SLC25A22: variants seen among roughly 807,000 people sequenced by gnomAD.
SLC25A22 encodes solute carrier family 25 member 22.
SLC25A22 carries 23 observed loss-of-function variants against 33.7 expected under a neutral mutation model. That is an observed-to-expected ratio of 0.68 (90% CI 0.49 to 0.97). The LOEUF is 0.97. Among genes scored for constraint, SLC25A22 ranks in the 50% least tolerant of loss-of-function variants. The pLI, the probability that SLC25A22 is intolerant of heterozygous loss-of-function variation, is 0.00. For missense variants in SLC25A22, 390 were observed against 451.1 expected, an observed-to-expected ratio of 0.86 and a Z score of 1.23; for synonymous variants, 245 against 203.8, an observed-to-expected ratio of 1.20 and a Z score of -1.72.
Position 793,897 on chromosome 11 carries a change from G to A in SLC25A22, c.203-278C>T, listed in dbSNP as rs936972384. On this transcript the variant is annotated intron_variant, in intron 4 of 9. Coordinates refer to ENST00000628067, the MANE Select transcript of SLC25A22 (RefSeq NM_001191061.2). Reference sequence around the variant, plus strand: ...CTGCTCAGGGCATGAGGACTGCCCCGGAGCCCCTGAGGCCTCCCTAGGATA... The same window carrying A: ...CTGCTCAGGGCATGAGGACTGCCCCAGAGCCCCTGAGGCCTCCCTAGGATA... 22 of 538,938 alleles carry A rather than the reference G, an allele frequency of 4.1e-5. No individual in the cohort carries two copies. In the Admixed American group the frequency reaches 5.0e-4, roughly 12 times the overall value. The allele number at this position is 538,938 out of a possible 1,614,324, so 33.4% of individuals were successfully genotyped here. A position where few individuals can be genotyped will look rare whatever the true frequency, so the allele number is the denominator to read the frequency against.
At chr11:793,884 T>C (rs1392912580) in intron 4 of SLC25A22, 4 of 557,554 alleles carry the variant, frequency 7.2e-6, no homozygotes, top group Non-Finnish European at 1.3e-5. Context: ...GCTCAGGGCA[T>C]GAGGACTGCC....
At chr11:793,698 G>A (rs1590120605) in intron 4 of SLC25A22, 79 bp from the exon 5 acceptor site, 1 of 1,015,120 alleles carries the variant, frequency 9.9e-7, no homozygotes, top group Admixed American at 1.8e-5. Context: ...TTGCCTCCTG[G>A]CTGGCAAAAC....
chr11:792,958 C>T lies in SLC25A22; in HGVS notation c.324G>A (p.Leu108=). 1 of 1,613,516 alleles carries T rather than the reference C, an allele frequency of 6.2e-7. No individual in the cohort carries two copies. Among genetic ancestry groups the T allele is most frequent in the Non-Finnish European group, 8.5e-7 (1 of 1,179,972 alleles). The change falls in exon 6 of 10, where the codon CTG becomes CTA. Residue 108 remains leucine (L), a synonymous_variant. Coordinates refer to ENST00000628067, the MANE Select transcript of SLC25A22 (RefSeq NM_001191061.2). ...GQKLTLLKEM[L]AGCGAGTCQV... is the part of the protein sequence containing the mutation. ...GGCAGGTGCCAGCCCCACAGCCCGC[C>T]AGCATCTCTTTAAGCAGGGTCAGCT...
intron 5 of SLC25A22, 27 bp downstream of exon 5, chr11:793,502 C>G (rs79478359): frequency 3.1e-6 from 5 of 1,610,052 alleles, no homozygotes; most frequent in Non-Finnish European, 3.4e-6. Context: ...AAAGACCCCT[C>G]GAGTGTCTGC....
Position 792,021 on chromosome 11 carries a change from T to C in SLC25A22, c.866A>G (p.Tyr289Cys), listed in dbSNP as rs764260829. The change falls in exon 10 of 10, where the codon TAC (tyrosine) becomes TGC (cysteine). Residue 289 changes from tyrosine (Y) to cysteine (C), a missense_variant. By Grantham distance (194) the Tyr-to-Cys change is radical (BLOSUM62 -2). Coordinates refer to ENST00000628067, the MANE Select transcript of SLC25A22 (RefSeq NM_001191061.2). The part of the protein sequence containing the change: ...EGPSAFLKGA[Y>C]CRALVIAPLF... ...GGGCGCGATGACCAGCGCGCGGCAG[T>C]AGGCGCCCTTCAGGAAGGCCGAGGG... 4 of 1,605,174 alleles carry C rather than the reference T, an allele frequency of 2.5e-6. No homozygotes were observed. In the African/African-American group the frequency reaches 4.0e-5, roughly 16 times the overall value.
chr11:793,059 A>G (rs1339097413), intron 5 of SLC25A22, 71 bp from the exon 6 acceptor site: 3 of 1,434,782 alleles, frequency 2.1e-6, no homozygotes, highest in Non-Finnish European at 2.9e-6. Flanking sequence ...GCTGCCCACC[A>G]TGCCTGGGCG....
rs183409730 is a variant in SLC25A22, at chr11:792,012, G to A, written c.875C>T (p.Ala292Val). The A allele has an allele frequency of 2.9e-5, 46 of 1,607,084 alleles. No homozygotes were observed. The highest frequency in any genetic ancestry group is 6.7e-5 in the East Asian group (3 of 44,512). The change falls in exon 10 of 10, where the codon GCG becomes GTG. Residue 292 changes from alanine (A) to valine (V), a missense_variant. By Grantham distance (64) the Ala-to-Val change is moderately conservative. Transcript: ENST00000628067. ...GCCGAAAAGGGGCGCGATGACCAGCGCGCGGCAGTAGGCGCCCTTCAGGAA... is the reference window on the plus strand; with the variant it reads ...GCCGAAAAGGGGCGCGATGACCAGCACGCGGCAGTAGGCGCCCTTCAGGAA... ...SAFLKGAYCRALVIAPLFGIA... is the reference protein window; with the variant it reads ...SAFLKGAYCRVLVIAPLFGIA...
At position 792,392 on chromosome 11, in the gene SLC25A22, C is replaced by T. The variant is rs769899113; in HGVS notation, c.654G>A (p.Ala218=). The T allele has an allele frequency of 5.1e-5, 82 of 1,613,190 alleles. 1 individual carries two copies. Among genetic ancestry groups the T allele is most frequent in the Admixed American group, 8.3e-5 (5 of 60,008 alleles). ...FANLNQLGRP[A]SEEKSPFYVS... ...CGTAGAAAGGCGACTTCTCCTCGGA[C>T]GCCGGGCGGCCCAGCTGGTTCAGGT... is the stretch of plus-strand genomic sequence containing the variant. Residue 218 remains alanine (A), a synonymous_variant, in exon 8 of 10, where the codon GCG becomes GCA. Transcript: ENST00000628067.
chr11:797,654 C>T (rs1019928616), intron 1 of SLC25A22: 10 of 398,682 alleles, frequency 2.5e-5, no homozygotes, highest in Admixed American at 2.2e-4. Context: ...GTCTGGCCGG[C>T]GGCTCCCCAT....
Position 795,160 on chromosome 11 carries a change from C to G in SLC25A22, c.-154G>C, listed in dbSNP as rs1864739824. The G allele has an allele frequency of 1.1e-6, 1 of 885,430 alleles. No individual in the cohort carries two copies. The highest frequency in any genetic ancestry group is 3.2e-4 in the Middle Eastern group (1 of 3,108). 54.8% of individuals were successfully genotyped at this position (885,430 alleles called of 1,614,324 possible). A position where few individuals can be genotyped will look rare whatever the true frequency, so the allele number is the denominator to read the frequency against. On this transcript the variant is annotated 5_prime_UTR_variant, in exon 2 of 10. Transcript: ENST00000628067. ...GGAATTTCCAGGCGTCAGCAACCGCCACTTCTGTCCTAGAAGGATGAGGGA... is the reference window on the plus strand; with the variant it reads ...GGAATTTCCAGGCGTCAGCAACCGCGACTTCTGTCCTAGAAGGATGAGGGA...
At position 795,133 on chromosome 11, in the gene SLC25A22, G is replaced by C. The variant is rs1036420198; in HGVS notation, c.-127C>G. Reference sequence around the variant, plus strand: ...GGGGTTGGGTGGTGCTCCACCTTCAGGGGAATTTCCAGGCGTCAGCAACCG... The same window carrying C: ...GGGGTTGGGTGGTGCTCCACCTTCACGGGAATTTCCAGGCGTCAGCAACCG... On this transcript the variant is annotated 5_prime_UTR_variant, in exon 2 of 10. Transcript: ENST00000628067. 8.1e-7 allele frequency: 1 copy of C among 1,231,842 alleles called. No homozygotes were observed. The highest frequency in any genetic ancestry group is 1.1e-6 in the Non-Finnish European group (1 of 869,896). 76.3% of individuals were successfully genotyped at this position (1,231,842 alleles called of 1,614,324 possible). A position where few individuals can be genotyped will look rare whatever the true frequency, so the allele number is the denominator to read the frequency against.
At position 795,375 on chromosome 11, in the gene SLC25A22, T is replaced by C. The variant is rs57212291; in HGVS notation, c.-163-206A>G. On this transcript the variant is annotated intron_variant, in intron 1 of 9. Transcript: ENST00000628067. ...ACCTGGCTTCCTTTCAGTCCCCCCC[T>C]CCCCACCGCCAGCGTCTTCCCAGCC... is the stretch of plus-strand genomic sequence containing the variant. The C allele has an allele frequency of 0.46, 14,177 of 31,072 alleles. 191 individuals are homozygous for C. The highest frequency in any genetic ancestry group is 0.51 in the Middle Eastern group (51 of 100). The allele number at this position is 31,072 out of a possible 1,614,324, so 1.9% of individuals were successfully genotyped here. A position where few individuals can be genotyped will look rare whatever the true frequency, so the allele number is the denominator to read the frequency against.
rs748577483 is a variant in SLC25A22, at chr11:792,297, C to T, written c.742+7G>A. On this transcript the variant is annotated splice_region_variant and intron_variant, in intron 8 of 9. Transcript: ENST00000628067. Reference sequence around the variant, plus strand: ...ATCCCCAGCCGGGCGCCATCCCATGCACTGACCATCACAGGGGTTGACGGC... The same window carrying T: ...ATCCCCAGCCGGGCGCCATCCCATGTACTGACCATCACAGGGGTTGACGGC... 8.7e-6 allele frequency: 14 copies of T among 1,613,216 alleles called. No homozygotes were observed. In the South Asian group the frequency reaches 8.8e-5, roughly 10 times the overall value.
intron 1 of SLC25A22, chr11:795,665 G>A (rs1310744441): frequency 1.1e-5 from 2 of 185,968 alleles, no homozygotes; most frequent in Non-Finnish European, 2.3e-5. Context: ...CCCAGGTATA[G>A]CTCTCCTCCC....
intron 1 of SLC25A22, chr11:795,371 C>T: frequency 3.8e-6 from 1 of 260,962 alleles, no homozygotes; most frequent in Non-Finnish European, 7.2e-6. Context: ...TTTCAGTCCC[C>T]CCCTCCCCAC....
rs1238871570 is a variant in SLC25A22, at chr11:792,669, C to T, written c.471G>A (p.Gln157=). The T allele has an allele frequency of 6.4e-7, 1 of 1,566,250 alleles. No individual in the cohort carries two copies. The highest frequency in any genetic ancestry group is 8.6e-7 in the Non-Finnish European group (1 of 1,158,426). ...QGQLSAQGGA[Q]PSVEAPAAPR... ...GGGCAGCTGGAGCCTCCACTGAGGG[C>T]TGGGCACCCCCCTGGGCCGAGAGCT... The change falls in exon 7 of 10, where the codon CAG becomes CAA. Residue 157 remains glutamine (Q), a synonymous_variant. Coordinates refer to ENST00000628067, the MANE Select transcript of SLC25A22 (RefSeq NM_001191061.2).
chr11:792,774 G>A (rs767316714), intron 6 of SLC25A22, 47 bp from the exon 7 acceptor site: 3 of 1,547,712 alleles, frequency 1.9e-6, no homozygotes, highest in Non-Finnish European at 1.7e-6. Context: ...GAACTGGGCA[G>A]GGGACACGCT....
Position 791,808 on chromosome 11 carries a change from C to T in SLC25A22, c.*107G>A, listed in dbSNP as rs4963152. Reference sequence around the variant, plus strand: ...CCCTGCCCCCTGCTGCCCCTGCCGACGGGAGGGCTGGGGAGGGGTCTTCCC... The same window carrying T: ...CCCTGCCCCCTGCTGCCCCTGCCGATGGGAGGGCTGGGGAGGGGTCTTCCC... On this transcript the variant is annotated 3_prime_UTR_variant, in exon 10 of 10. Transcript: ENST00000628067. The T allele has an allele frequency of 2.0e-3, 2,880 of 1,432,540 alleles. 5 individuals are homozygous for T. The highest frequency in any genetic ancestry group is 8.9e-3 in the African/African-American group (631 of 70,508). 88.7% of individuals were successfully genotyped at this position (1,432,540 alleles called of 1,614,324 possible).
chr11:793,458 G>C lies in SLC25A22; in HGVS notation c.293+71C>G. 4 of 1,473,894 alleles carry C rather than the reference G, an allele frequency of 2.7e-6. No individual in the cohort carries two copies. The South Asian group carries it at 4.6e-5, about 17-fold the overall frequency. The allele number at this position is 1,473,894 out of a possible 1,614,324, so 91.3% of individuals were successfully genotyped here. A position where few individuals can be genotyped will look rare whatever the true frequency, so the allele number is the denominator to read the frequency against. On this transcript the variant is annotated intron_variant, in intron 5 of 9. Transcript: ENST00000628067. ...AGGCAGAGCCCCCAGGTGGGACCCA[G>C]CTGGCAGGGTGGACCCATCCTTTAT... is the stretch of plus-strand genomic sequence containing the variant.
Sources: allele counts gnomAD v4.1 joint callset, GRCh38; gene constraint gnomAD v4.1.1; transcripts MANE v1.5; gene names NCBI Gene and HGNC (gene_info 2026-07-23, HGNC 2026-07-21).